ARHGAP22: variants seen among roughly 807,000 people sequenced by gnomAD.
ARHGAP22 encodes rho GTPase-activating protein 22.
In ARHGAP22, 48 loss-of-function variants were observed where a neutral mutation model predicts 59.1. The ratio of observed to expected loss-of-function variants is 0.81; its 90% CI spans 0.64 to 1.03. The LOEUF is 1.03. ARHGAP22 is among the 50% of genes least tolerant of loss of function. The pLI is 0.00. For synonymous variants in ARHGAP22, 445 were observed against 416.4 expected, an observed-to-expected ratio of 1.07 and a Z score of -0.84; for missense variants, 1,015 against 958.7, an observed-to-expected ratio of 1.06 and a Z score of -0.78.
intron 3 of ARHGAP22, among the ~76,000 whole-genome samples, chr10:48,524,491 G>T (rs1422179093): frequency 6.6e-6 from 1 of 152,038 alleles, no homozygotes; most frequent in African/African-American, 2.4e-5. Flanking sequence ...AGCCGGGGCT[G>T]CCTCCGCCTC....
chr10:48,635,396 C>G (rs2061776449), intron 1 of ARHGAP22, among the ~76,000 whole-genome samples: 1 of 152,250 alleles, frequency 6.6e-6, no homozygotes, highest in Admixed American at 6.5e-5. Flanking sequence ...CCTTGGCCAG[C>G]TCCAAGTTCA....
At chr10:48,607,481 G>A (rs1018663115), upstream of ARHGAP22, among the ~76,000 whole-genome samples, 5 of 152,158 alleles carry the variant, frequency 3.3e-5, no homozygotes, top group African/African-American at 1.2e-4. Context: ...GCAGGAATTG[G>A]AGCCCCTTCA....
intron 3 of ARHGAP22, among the ~76,000 whole-genome samples, chr10:48,545,936 G>T (rs548718956): frequency 6.6e-6 from 1 of 152,182 alleles, no homozygotes; most frequent in Non-Finnish European, 1.5e-5. Flanking sequence ...CAGCCCTCTC[G>T]TCTTACACAG....
At chr10:48,524,118 G>A in intron 3 of ARHGAP22, 1 of 1,327,356 alleles carries the variant, frequency 7.5e-7, no homozygotes, top group Non-Finnish European at 9.7e-7. Context: ...AGCCGCCCGC[G>A]GCCCCGCCGC....
At position 48,454,159 on chromosome 10, in the gene ARHGAP22, G is replaced by T. The variant is rs1482674282; in HGVS notation, c.795C>A (p.Gly265=). 1 of 1,613,680 alleles carries T rather than the reference G, an allele frequency of 6.2e-7. No homozygotes were observed. The highest frequency in any genetic ancestry group is 1.1e-5 in the South Asian group (1 of 91,080). Residue 265 remains glycine, a splice_region_variant and synonymous_variant, in exon 7 of 10, where the codon GGC becomes GGA. Transcript: ENST00000249601. ...AQLLTKDEGE[G]TLELAKQVSN... is the part of the protein sequence containing the mutation. Reference sequence around the variant, plus strand: ...TCACTTGTTTAGCCAACTCCAGAGTGCCCTTAGGAATGAAGAACAGAATTT... The same window carrying T: ...TCACTTGTTTAGCCAACTCCAGAGTTCCCTTAGGAATGAAGAACAGAATTT...
chr10:48,510,643 A>G (rs2052665593), intron 3 of ARHGAP22: 1 of 152,296 alleles, frequency 6.6e-6, no homozygotes, highest in African/African-American at 2.4e-5. Flanking sequence ...AAGGGATAGC[A>G]CTGCTCTGTG....
Position 48,493,450 on chromosome 10 carries a change from C to T in ARHGAP22, c.323-13686G>A, listed in dbSNP as rs182668382. On this transcript the variant is annotated intron_variant, in intron 3 of 9. Transcript: ENST00000249601. ...AGCTATCCACTTACCCCTGGGCATA[C>T]GCCTGCTCCTCTTCAGACACCTGAT... 5.7e-5 allele frequency: 88 copies of T among 1,535,886 alleles called. No homozygotes were observed. In the African/African-American group the frequency reaches 6.3e-4, roughly 11 times the overall value.
In ARHGAP22 at chr10:48,594,409, G is replaced by T. The variant is rs533800493; in HGVS notation, c.34+10354C>A. ...CTTGCCAACCAGGGGCTCAGTGAGG[G>T]TGTGTGGATCACTCATGGGCCGAGC... On this transcript the variant is annotated intron_variant, in intron 1 of 9. Transcript: ENST00000249601. Among the ~76,000 whole-genome samples, 7 of 152,356 alleles carry T rather than the reference G, an allele frequency of 4.6e-5. No individual in the cohort carries two copies. In the South Asian group the frequency reaches 6.2e-4, roughly 14 times the overall value.
At chr10:48,606,399 G>T (rs544187926), upstream of ARHGAP22, among the ~76,000 whole-genome samples, 6 of 152,228 alleles carry the variant, frequency 3.9e-5, no homozygotes, top group East Asian at 9.7e-4. Flanking sequence ...GTGGGAGAAG[G>T]TAGAGTCCAT....
Position 48,450,970 on chromosome 10 carries a change from C to CG in ARHGAP22, c.1158dup (p.Gly387ArgfsTer219). 6.4e-7 allele frequency: 1 copy of CG among 1,565,200 alleles called. No homozygotes were observed. The highest frequency in any genetic ancestry group is 8.7e-7 in the Non-Finnish European group (1 of 1,155,582). On this transcript the variant is annotated frameshift_variant, in exon 9 of 10. Transcript: ENST00000249601. LOFTEE classifies it high-confidence loss of function. The stretch of plus-strand genomic sequence containing the variant: ...GAAGAGGTCCTGTGCGCGGGCAGGC[C>CG]GGGGCCGCCGGGCTCTCCTTGGCTG...
chr10:48,440,138 T>C, the ARHGAP22 span, among the ~76,000 whole-genome samples: 3 of 152,252 alleles, frequency 2.0e-5, no homozygotes, highest in African/African-American at 7.2e-5. Flanking sequence ...TTTTTTCTTT[T>C]TCAGTATTGT....
At chr10:48,596,993 T>C (rs1046628140) in intron 1 of ARHGAP22, among the ~76,000 whole-genome samples, 12 of 152,146 alleles carry the variant, frequency 7.9e-5, no homozygotes, top group Admixed American at 2.6e-4. Flanking sequence ...GACTCATGAC[T>C]CTGCTGGTGA....
chr10:48,526,207 G>A (rs188112173), intron 3 of ARHGAP22, among the ~76,000 whole-genome samples: 34 of 152,296 alleles, frequency 2.2e-4, no homozygotes, highest in Admixed American at 1.7e-3. Flanking sequence ...AAGGCACGGA[G>A]CAGAAGAGTT....
At chr10:48,586,773 G>C (rs917168453) in intron 1 of ARHGAP22, among the ~76,000 whole-genome samples, 1 of 152,164 alleles carries the variant, frequency 6.6e-6, no homozygotes, top group Non-Finnish European at 1.5e-5. Context: ...CTTTGCACGG[G>C]CTTCTACCAA....
chr10:48,637,897 C>G (rs551344390), intron 1 of ARHGAP22, among the ~76,000 whole-genome samples: 2 of 152,324 alleles, frequency 1.3e-5, no homozygotes, highest in East Asian at 3.9e-4. Flanking sequence ...TACCTTCTTT[C>G]TCCCCCTTTT....
At chr10:48,503,241 T>C (rs913442860) in intron 3 of ARHGAP22, among the ~76,000 whole-genome samples, 3 of 152,202 alleles carry the variant, frequency 2.0e-5, no homozygotes, top group Non-Finnish European at 2.9e-5. Context: ...TGTTCCGAAA[T>C]GTTCAAGAGA....
At chr10:48,616,179 G>A (rs1589181635) in intron 1 of ARHGAP22, among the ~76,000 whole-genome samples, 1 of 152,060 alleles carries the variant, frequency 6.6e-6, no homozygotes. Context: ...TTAGCGTCTT[G>A]GTGTCAACAT....
intron 4 of ARHGAP22, among the ~76,000 whole-genome samples, chr10:48,473,668 C>T (rs1472827944): frequency 7.2e-5 from 11 of 152,322 alleles, no homozygotes; most frequent in African/African-American, 2.4e-4. Context: ...CACAGAGGTA[C>T]AGCGAAGATA....
chr10:48,439,724 C>G, the ARHGAP22 span, among the ~76,000 whole-genome samples: 1 of 152,156 alleles, frequency 6.6e-6, no homozygotes, highest in African/African-American at 2.4e-5. Flanking sequence ...TTGACTGTTT[C>G]CAACTTTTGC....
Sources: allele counts gnomAD v4.1 joint callset (sites outside exome capture counted in the v4.1 genomes callset), GRCh38; gene constraint gnomAD v4.1.1; transcripts MANE v1.5; gene names NCBI Gene and HGNC (gene_info 2026-07-23, HGNC 2026-07-21).